The following SPAG16 variants were observed in gnomAD, a reference collection of about 807,000 sequenced individuals.
The protein encoded by SPAG16 is sperm-associated antigen 16 protein.
SPAG16 carries 86 observed loss-of-function variants against 80.4 expected under a neutral mutation model. The observed-to-expected ratio is 1.07, with a 90% CI of 0.90 to 1.28. The LOEUF is 1.28. SPAG16 is among the 50% of genes most tolerant of loss of function. The pLI, the probability that SPAG16 is intolerant of heterozygous loss-of-function variation, is 0.00. For missense variants in SPAG16, 870 were observed against 765.3 expected, an observed-to-expected ratio of 1.14 and a Z score of -1.61; for synonymous variants, 294 against 265.9, an observed-to-expected ratio of 1.11 and a Z score of -1.03.
intron 10 of SPAG16, among the ~76,000 whole-genome samples, chr2:213,543,625 A>G (rs1439504641): frequency 6.6e-6 from 1 of 151,816 alleles, no homozygotes; most frequent in African/African-American, 2.4e-5. Flanking sequence ...CATATTGGTA[A>G]TTTTCCGAGA....
chr2:213,592,338 A>G (rs921269130), intron 10 of SPAG16, among the ~76,000 whole-genome samples: 3 of 152,208 alleles, frequency 2.0e-5, no homozygotes, highest in African/African-American at 7.2e-5. Context: ...AGTGTTTATT[A>G]TATCTGTCTT....
chr2:214,171,745 G>T (rs1301186694), intron 15 of SPAG16, among the ~76,000 whole-genome samples: 1 of 151,782 alleles, frequency 6.6e-6, no homozygotes, highest in East Asian at 1.9e-4. Flanking sequence ...TAAGAATAAG[G>T]CTTGAAGATG....
At chr2:214,139,730 C>A (rs1411578783) in intron 14 of SPAG16, among the ~76,000 whole-genome samples, 1 of 152,012 alleles carries the variant, frequency 6.6e-6, no homozygotes, top group Non-Finnish European at 1.5e-5. Flanking sequence ...TGGGTAAAGT[C>A]AAGCCTACAC....
intron 9 of SPAG16, chr2:213,422,237 C>T (rs2069642581): frequency 1.4e-6 from 1 of 701,806 alleles, no homozygotes; most frequent in South Asian, 1.5e-5. Context: ...TGTGCAGTTT[C>T]AGATGTTTCC....
chr2:213,919,819 A>G (rs2078130028), intron 11 of SPAG16, among the ~76,000 whole-genome samples: 1 of 152,140 alleles, frequency 6.6e-6, no homozygotes, highest in Non-Finnish European at 1.5e-5. Flanking sequence ...CTTTTGATCC[A>G]GTGCTCAGTT....
intron 10 of SPAG16, among the ~76,000 whole-genome samples, chr2:213,811,317 T>A (rs184699006): frequency 6.6e-6 from 1 of 152,160 alleles, no homozygotes; most frequent in Non-Finnish European, 1.5e-5. Flanking sequence ...ATGAACATAC[T>A]ACAGTAATCG....
intron 15 of SPAG16, among the ~76,000 whole-genome samples, chr2:214,172,728 G>T (rs529271795): frequency 1.3e-5 from 2 of 152,110 alleles, no homozygotes; most frequent in South Asian, 2.1e-4. Flanking sequence ...CAGTGTAAAA[G>T]TGTTCCTATT....
intron 10 of SPAG16, among the ~76,000 whole-genome samples, chr2:213,574,920 G>T (rs1043524510): frequency 1.3e-5 from 2 of 151,760 alleles, no homozygotes; most frequent in Non-Finnish European, 2.9e-5. Flanking sequence ...TCTGCAGTTT[G>T]CCTTCCCATT....
chr2:213,578,066 CAGA>C, intron 10 of SPAG16, among the ~76,000 whole-genome samples: 1 of 151,908 alleles, frequency 6.6e-6, no homozygotes, highest in Admixed American at 6.6e-5. Flanking sequence ...TACATTGTAG[CAGA>C]AGGAGGAAAT....
At chr2:213,737,343 G>A (rs2067327451) in intron 10 of SPAG16, among the ~76,000 whole-genome samples, 1 of 152,016 alleles carries the variant, frequency 6.6e-6, no homozygotes, top group Non-Finnish European at 1.5e-5. Flanking sequence ...TATATTTTTT[G>A]TTGTTTGCTA....
chr2:214,032,661 A>G (rs1510557), intron 13 of SPAG16, among the ~76,000 whole-genome samples: 43,415 of 152,112 alleles, frequency 0.29, 6,634 homozygotes, highest in Non-Finnish European at 0.33. Flanking sequence ...GGGAAATCAC[A>G]TGTTGTAAGG....
At chr2:213,528,336 ATGT>A (rs756224642) in intron 10 of SPAG16, among the ~76,000 whole-genome samples, 3 of 152,280 alleles carry the variant, frequency 2.0e-5, no homozygotes, top group Non-Finnish European at 4.4e-5. Flanking sequence ...GTAAAGTTTG[ATGT>A]TGTAAATAAA....
At chr2:213,779,406 G>T (rs192915682) in intron 10 of SPAG16, among the ~76,000 whole-genome samples, 35 of 152,252 alleles carry the variant, frequency 2.3e-4, no homozygotes, top group African/African-American at 7.5e-4. Context: ...AATTGTGCTT[G>T]CCTAACAGGA....
intron 15 of SPAG16, among the ~76,000 whole-genome samples, chr2:214,249,854 G>T (rs1360308770): frequency 1.3e-5 from 2 of 152,108 alleles, no homozygotes; most frequent in Non-Finnish European, 2.9e-5. Flanking sequence ...GTTAGAAGAA[G>T]ACTAGCTATG....
chr2:214,354,223 C>A (rs1698618383), intron 15 of SPAG16, among the ~76,000 whole-genome samples: 1 of 152,080 alleles, frequency 6.6e-6, no homozygotes, highest in African/African-American at 2.4e-5. Context: ...ATATGGCTAG[C>A]CAGTTTTCCC....
intron 11 of SPAG16, among the ~76,000 whole-genome samples, chr2:213,881,732 A>C (rs1483176607): frequency 1.3e-5 from 2 of 152,228 alleles, no homozygotes; most frequent in African/African-American, 4.8e-5. Flanking sequence ...CCATGATTCA[A>C]TTATCTCCAC....
intron 11 of SPAG16, among the ~76,000 whole-genome samples, chr2:213,872,395 T>A (rs1172322793): frequency 6.6e-6 from 1 of 152,146 alleles, no homozygotes; most frequent in East Asian, 1.9e-4. Flanking sequence ...ACAAATACAC[T>A]ATTCTTCCAC....
At chr2:214,321,763 T>C (rs1240280333) in intron 15 of SPAG16, among the ~76,000 whole-genome samples, 2 of 152,220 alleles carry the variant, frequency 1.3e-5, no homozygotes, top group Non-Finnish European at 2.9e-5. Context: ...AAATAAACAC[T>C]GTAAATGAAC....
intron 11 of SPAG16, among the ~76,000 whole-genome samples, chr2:213,929,303 C>T (rs150571781): frequency 6.6e-5 from 10 of 152,048 alleles, no homozygotes; most frequent in Admixed American, 2.0e-4. Context: ...TGTGAGCCAC[C>T]GTGCCCGAGC....
Sources: allele counts gnomAD v4.1 joint callset (sites outside exome capture counted in the v4.1 genomes callset), GRCh38; gene constraint gnomAD v4.1.1; transcripts MANE v1.5; gene names NCBI Gene and HGNC (gene_info 2026-07-23, HGNC 2026-07-21).